ST18: variants seen among roughly 807,000 people sequenced by gnomAD.
ST18 encodes the protein suppression of tumorigenicity 18 protein.
ST18 carries 50 observed loss-of-function variants against 110.0 expected under a neutral mutation model. The observed-to-expected ratio is 0.45, with a 90% confidence interval of 0.36 to 0.58. The LOEUF (loss-of-function observed/expected upper bound fraction) is 0.58, where lower values mean the gene tolerates loss of function less well. Among genes scored for constraint, ST18 ranks in the 20% least tolerant of loss-of-function variants. The pLI is 0.00. For synonymous variants in ST18, 461 were observed against 452.4 expected (o/e 1.02, Z -0.24); for missense variants, 1,306 against 1,280.1 (o/e 1.02, Z -0.31).
intron 22 of ST18, among the ~76,000 whole-genome samples, chr8:52,130,265 G>A (rs574824100): frequency 6.6e-6 from 1 of 151,996 alleles, no homozygotes; most frequent in Non-Finnish European, 1.5e-5. Context: ...ATGTAAACAG[G>A]AACCTATGAT....
At chr8:52,269,092 A>G (rs780930620) in intron 2 of ST18, among the ~76,000 whole-genome samples, 125 of 152,172 alleles carry the variant, frequency 8.2e-4, no homozygotes, top group Non-Finnish European at 1.3e-3. Context: ...ATTTTAGACT[A>G]CCCAGGATAT....
At chr8:52,343,567 G>T (rs554196121) in intron 2 of ST18, among the ~76,000 whole-genome samples, 35 of 152,088 alleles carry the variant, frequency 2.3e-4, no homozygotes, top group Non-Finnish European at 4.7e-4. Context: ...TCCCTCACAC[G>T]CAGTGGAGCC....
chr8:52,337,698 C>CTGAT (rs769048876), intron 2 of ST18, among the ~76,000 whole-genome samples: 3 of 152,228 alleles, frequency 2.0e-5, no homozygotes, highest in Non-Finnish European at 4.4e-5. Flanking sequence ...GCCTTTATTG[C>CTGAT]TGATAGAGTT....
chr8:52,281,493 C>T (rs2139152358), intron 2 of ST18, among the ~76,000 whole-genome samples: 1 of 152,238 alleles, frequency 6.6e-6, no homozygotes, highest in Admixed American at 6.5e-5. Context: ...CTCATGGAAA[C>T]ATTAGGAATG....
At chr8:52,175,407 A>G (rs2066535518) in intron 9 of ST18, among the ~76,000 whole-genome samples, 2 of 152,136 alleles carry the variant, frequency 1.3e-5, no homozygotes, top group Non-Finnish European at 2.9e-5. Context: ...CTCCCAGCAC[A>G]CTATGCCATG....
chr8:52,149,792 C>T lies in ST18; in HGVS notation c.1992G>A (p.Glu664=). 1.9e-6 allele frequency: 3 copies of T among 1,614,178 alleles called. No individual in the cohort carries two copies. The highest frequency in any genetic ancestry group is 2.5e-6 in the Non-Finnish European group (3 of 1,180,028). ...TATAGTTGATAGGAGTGTCCCAGCCCTCTTGGTCACAAAGAGCCTGATAGA... is the reference window on the plus strand; with the variant it reads ...TATAGTTGATAGGAGTGTCCCAGCCTTCTTGGTCACAAAGAGCCTGATAGA... ...AAFYQALCDQ[E]GWDTPINYSK... Residue 664 remains glutamate (E), a synonymous_variant, in exon 16 of 26, where the codon GAG becomes GAA. Coordinates refer to ENST00000689386, the MANE Select transcript of ST18 (RefSeq NM_001352837.2).
intron 2 of ST18, among the ~76,000 whole-genome samples, chr8:52,388,877 A>C (rs1309608194): frequency 6.7e-6 from 1 of 149,874 alleles, no homozygotes; most frequent in Admixed American, 6.7e-5. Flanking sequence ...ATGATGAGTT[A>C]ATGGGTGCAG....
intron 8 of ST18, among the ~76,000 whole-genome samples, chr8:52,185,659 AGGCATCATTG>A (rs1376900407): frequency 2.6e-5 from 4 of 152,172 alleles, no homozygotes; most frequent in Non-Finnish European, 5.9e-5. Context: ...CTGATGACAA[AGGCATCATTG>A]GGCAAAGGGT....
intron 15 of ST18, among the ~76,000 whole-genome samples, chr8:52,157,465 A>G (rs1006224744): frequency 1.2e-4 from 18 of 152,112 alleles, no homozygotes; most frequent in Non-Finnish European, 5.9e-5. Flanking sequence ...GTATTTCTCC[A>G]AGCAGATGGC....
At chr8:52,259,587 T>C (rs1475618214) in intron 2 of ST18, among the ~76,000 whole-genome samples, 2 of 152,192 alleles carry the variant, frequency 1.3e-5, no homozygotes, top group Non-Finnish European at 2.9e-5. Flanking sequence ...ATGATGATGA[T>C]GATGATGATA....
chr8:52,341,462 A>G (rs912490508), intron 2 of ST18, among the ~76,000 whole-genome samples: 2 of 152,230 alleles, frequency 1.3e-5, no homozygotes, highest in African/African-American at 4.8e-5. Context: ...TCCGCATCCT[A>G]ATCCCTGGAA....
chr8:52,171,666 T>C (rs754752178), intron 10 of ST18, 126 bp downstream of exon 10: 6 of 950,958 alleles, frequency 6.3e-6, no homozygotes, highest in South Asian at 4.4e-5. Context: ...ATTTTATAAT[T>C]ATAAATTGAT....
chr8:52,285,214 T>C (rs2095448937), intron 2 of ST18, among the ~76,000 whole-genome samples: 1 of 152,204 alleles, frequency 6.6e-6, no homozygotes, highest in Non-Finnish European at 1.5e-5. Context: ...TGTATCCTCA[T>C]ATTCATCATT....
chr8:52,149,971 C>T lies in ST18; in HGVS notation c.1813G>A (p.Glu605Lys), dbSNP rs144486751. 54 of 1,613,218 alleles carry T rather than the reference C, an allele frequency of 3.3e-5. No homozygotes were observed. Among genetic ancestry groups the T allele is most frequent in the African/African-American group, 8.0e-5 (6 of 74,856 alleles). Reference protein sequence around the residue: ...KPQSLHAKGAEIEVDENGTLD... With the variant: ...KPQSLHAKGAKIEVDENGTLD... ...GTGCCATTTTCATCCACTTCTATTT[C>T]GGCTCCCTGGTATACAATAGGAAAC... Residue 605 changes from glutamate (E) to lysine (K), a missense_variant, in exon 16 of 26, where the codon GAA (glutamate) becomes AAA (lysine). Coordinates refer to ENST00000689386, the MANE Select transcript of ST18 (RefSeq NM_001352837.2).
intron 13 of ST18, among the ~76,000 whole-genome samples, chr8:52,162,498 A>G (rs1361647051): frequency 6.6e-6 from 1 of 152,172 alleles, no homozygotes. Context: ...CCCTGCCTTC[A>G]GTCAGAATGT....
intron 8 of ST18, among the ~76,000 whole-genome samples, chr8:52,183,151 G>T (rs1301188445): frequency 6.6e-6 from 1 of 152,124 alleles, no homozygotes; most frequent in Non-Finnish European, 1.5e-5. Context: ...GTATGCATTT[G>T]ACAGTTGGTT....
intron 2 of ST18, among the ~76,000 whole-genome samples, chr8:52,274,596 G>T (rs1287846857): frequency 1.3e-5 from 2 of 152,070 alleles, no homozygotes; most frequent in African/African-American, 4.8e-5. Flanking sequence ...AGGAGACAAG[G>T]GTAGGTCCTG....
At chr8:52,363,463 C>G (rs546640968) in intron 2 of ST18, among the ~76,000 whole-genome samples, 7 of 152,220 alleles carry the variant, frequency 4.6e-5, no homozygotes, top group African/African-American at 1.7e-4. Context: ...CTATCATGGG[C>G]TCGGTGTGAA....
At chr8:52,188,166 A>G (rs2073105905) in intron 8 of ST18, among the ~76,000 whole-genome samples, 1 of 152,244 alleles carries the variant, frequency 6.6e-6, no homozygotes, top group Non-Finnish European at 1.5e-5. Flanking sequence ...AAATCCTTAA[A>G]TTGAGTAAAA....
Sources: gnomAD v4.1 joint callset for allele counts (sites outside exome capture counted in the v4.1 genomes callset) on GRCh38, gnomAD v4.1.1 for gene constraint, MANE v1.5 for transcripts, NCBI Gene and HGNC (gene_info 2026-07-23, HGNC 2026-07-21) for gene names.